EXOC4: variants seen among roughly 807,000 people sequenced by gnomAD.
The protein encoded by EXOC4 is exocyst complex component 4.
Under a neutral mutation model 107.2 loss-of-function variants are expected in EXOC4, and 71 were observed. The observed-to-expected ratio is 0.66, with a 90% CI of 0.55 to 0.81. The LOEUF (loss-of-function observed/expected upper bound fraction) is 0.81. EXOC4 is among the 30% of genes least tolerant of loss of function. The probability of loss-of-function intolerance (pLI) is 0.00; values close to 1 mark genes in which losing one functional copy is unlikely to be tolerated. For synonymous variants in EXOC4, 456 were observed against 441.2 expected (o/e 1.03, Z -0.42); for missense variants, 1,108 against 1,189.6 (o/e 0.93, Z 1.01).
At chr7:133,357,529 A>AT in intron 6 of EXOC4, among the ~76,000 whole-genome samples, 1 of 152,120 alleles carries the variant, frequency 6.6e-6, no homozygotes, top group Non-Finnish European at 1.5e-5. Context: ...TTGAATTCAG[A>AT]TTCTAACTTT....
chr7:133,445,948 C>T (rs1205903019), intron 7 of EXOC4, among the ~76,000 whole-genome samples: 2 of 149,626 alleles, frequency 1.3e-5, no homozygotes, highest in Admixed American at 6.7e-5. Flanking sequence ...CCCAGAAGGT[C>T]GAGATTGTAG....
chr7:134,051,153 A>T (rs1795777585), intron 17 of EXOC4, among the ~76,000 whole-genome samples: 1 of 152,194 alleles, frequency 6.6e-6, no homozygotes, highest in African/African-American at 2.4e-5. Flanking sequence ...GCTGATAGAA[A>T]TGTCTGCAGA....
At chr7:133,350,125 C>A (rs943070393) in intron 5 of EXOC4, among the ~76,000 whole-genome samples, 3 of 151,832 alleles carry the variant, frequency 2.0e-5, no homozygotes, top group Non-Finnish European at 2.9e-5. Context: ...CTGTTGGTTG[C>A]CTTTTTACTT....
chr7:134,061,555 A>G (rs889892323), intron 17 of EXOC4, among the ~76,000 whole-genome samples: 1 of 152,224 alleles, frequency 6.6e-6, no homozygotes, highest in African/African-American at 2.4e-5. Flanking sequence ...CTGCGAGTCT[A>G]GAAATCGCAG....
chr7:134,064,108 C>T (rs772322161), intron 17 of EXOC4, among the ~76,000 whole-genome samples, 183 bp from the exon 18 acceptor site: 10 of 152,204 alleles, frequency 6.6e-5, no homozygotes, highest in Non-Finnish European at 1.5e-4. Flanking sequence ...CTCCCATGAG[C>T]TCCAAAGGAC....
intron 10 of EXOC4, among the ~76,000 whole-genome samples, chr7:133,690,868 T>C (rs181612767): frequency 3.9e-5 from 6 of 152,212 alleles, no homozygotes; most frequent in African/African-American, 1.2e-4. Flanking sequence ...TAATGGAAGA[T>C]AGGATTATTT....
chr7:133,455,046 A>G (rs1205954052), intron 7 of EXOC4, among the ~76,000 whole-genome samples: 2 of 152,152 alleles, frequency 1.3e-5, no homozygotes, highest in African/African-American at 4.8e-5. Flanking sequence ...AGATTTTGCC[A>G]TTGCACTCCA....
intron 17 of EXOC4, among the ~76,000 whole-genome samples, chr7:134,034,074 T>TA (rs113869157): frequency 0.2 from 30,283 of 151,930 alleles, 3,577 homozygotes; most frequent in East Asian, 0.42. Context: ...ACGTCGTGTC[T>TA]AAAAGAGACT....
intron 10 of EXOC4, among the ~76,000 whole-genome samples, chr7:133,716,456 G>GCCTATTCACAGAATAGTGTATA (rs1795000380): frequency 6.6e-6 from 1 of 152,202 alleles, no homozygotes; most frequent in South Asian, 2.1e-4. Context: ...GAGACATTCT[G>GCCTATTCACAGAATAGTGTATA]CCTATTCACA....
At chr7:133,706,915 TA>T (rs1794780388) in intron 10 of EXOC4, among the ~76,000 whole-genome samples, 2 of 152,290 alleles carry the variant, frequency 1.3e-5, no homozygotes, top group African/African-American at 4.8e-5. Context: ...CCCCACATCC[TA>T]ATACTGTCAC....
intron 10 of EXOC4, among the ~76,000 whole-genome samples, chr7:133,804,561 GAA>G (rs1797027253): frequency 1.3e-5 from 2 of 152,102 alleles, no homozygotes; most frequent in African/African-American, 2.4e-5. Flanking sequence ...CCATCCTGTT[GAA>G]AAAGAGTGGA....
chr7:133,924,702 TC>T, intron 13 of EXOC4, among the ~76,000 whole-genome samples: 1 of 152,204 alleles, frequency 6.6e-6, no homozygotes, highest in East Asian at 1.9e-4. Context: ...TTTTCTAGTA[TC>T]CCAAAAAGTC....
chr7:133,983,120 A>G (rs1794033992), intron 14 of EXOC4, among the ~76,000 whole-genome samples: 2 of 151,816 alleles, frequency 1.3e-5, no homozygotes, highest in Admixed American at 1.3e-4. Context: ...CAGGCATCTC[A>G]CATGGCAGGA....
chr7:133,870,128 G>GA (rs1563036210), intron 11 of EXOC4, among the ~76,000 whole-genome samples: 3 of 152,082 alleles, frequency 2.0e-5, no homozygotes, highest in Non-Finnish European at 4.4e-5. Context: ...AAGAGCTGGA[G>GA]GTAAAAGATT....
chr7:133,271,481 T>G (rs1393048311), intron 1 of EXOC4, among the ~76,000 whole-genome samples: 1 of 152,230 alleles, frequency 6.6e-6, no homozygotes, highest in Non-Finnish European at 1.5e-5. Context: ...AGCCAAGCAC[T>G]GATTGCCCTA....
At chr7:133,399,871 A>T (rs977652994) in intron 7 of EXOC4, among the ~76,000 whole-genome samples, 1 of 152,310 alleles carries the variant, frequency 6.6e-6, no homozygotes, top group Non-Finnish European at 1.5e-5. Flanking sequence ...TGATGCAGGG[A>T]GAGTTCCAGT....
At chr7:133,798,580 C>T (rs1796865072) in intron 10 of EXOC4, among the ~76,000 whole-genome samples, 1 of 152,162 alleles carries the variant, frequency 6.6e-6, no homozygotes, top group South Asian at 2.1e-4. Context: ...AATAACCCTG[C>T]AAGGCAGATA....
chr7:133,507,528 T>A (rs898338948), intron 9 of EXOC4, among the ~76,000 whole-genome samples: 1 of 152,198 alleles, frequency 6.6e-6, no homozygotes, highest in African/African-American at 2.4e-5. Context: ...TCTGTTGAGA[T>A]GTGCTCTCAA....
intron 10 of EXOC4, among the ~76,000 whole-genome samples, chr7:133,788,079 G>C (rs1404950286): frequency 7.0e-6 from 1 of 142,272 alleles, no homozygotes; most frequent in African/African-American, 2.6e-5. Context: ...CACTTGCTGG[G>C]TTCTTGGTTG....
Sources: allele counts gnomAD v4.1 joint callset (sites outside exome capture counted in the v4.1 genomes callset), GRCh38; gene constraint gnomAD v4.1.1; transcripts MANE v1.5; gene names NCBI Gene and HGNC (gene_info 2026-07-23, HGNC 2026-07-21).